Variants in MXRA5 observed in about 807,000 individuals in gnomAD.
MXRA5 encodes matrix-remodeling-associated protein 5.
MXRA5 carries 41 observed loss-of-function variants against 112.5 expected under a neutral mutation model. The ratio of observed to expected loss-of-function variants is 0.36; its 90% CI spans 0.28 to 0.47. MXRA5 has a LOEUF of 0.47. MXRA5 is among the 20% of genes least tolerant of loss of function. MXRA5 has a pLI of 0.99. For synonymous variants in MXRA5, 862 were observed against 900.8 expected (o/e 0.96, Z 0.77); for missense variants, 2,150 against 2,251.0 (o/e 0.96, Z 0.91).
rs1458417228 is a variant in MXRA5 at position 3,309,078 on chromosome X, A to G, written c.*638T>C. On this transcript the variant is annotated 3_prime_UTR_variant, in exon 7 of 7. Transcript: ENST00000217939. ...TCATCGTCTGATTTGAAAGGAAAAA[A>G]TATATATATAAAACATTATATAAAA... 8.9e-6 allele frequency: 1 copy of G among 111,925 alleles called. No individual in the cohort carries two copies. Among genetic ancestry groups the G allele is most frequent in the East Asian group, 2.8e-4 (1 of 3,633 alleles). The allele number at this position is 111,925 out of a possible 1,213,427, so 9.2% of individuals were successfully genotyped here. A position where few individuals can be genotyped will look rare whatever the true frequency, so the allele number is the denominator to read the frequency against.
chrX:3,315,273 A>G (rs1355205156), intron 6 of MXRA5, among the ~76,000 whole-genome samples: 2 of 107,588 alleles, frequency 1.9e-5, no homozygotes, highest in Non-Finnish European at 3.8e-5. Flanking sequence ...CTGGTTGCAA[A>G]CCACTGCCAT....
Position 3,323,765 on chromosome X carries a change from C to A in MXRA5, c.1920G>T (p.Lys640Asn), listed in dbSNP as rs138221076. Residue 640 changes from lysine to asparagine, a missense_variant, in exon 5 of 7, where the codon AAG (lysine) becomes AAT (asparagine). Coordinates refer to ENST00000217939, the MANE Select transcript of MXRA5 (RefSeq NM_015419.4). ...MLPNGTLSIP[K>N]VQVSDSGYYR... is the part of the protein sequence containing the mutation. The stretch of plus-strand genomic sequence containing the variant: ...AGTAACCACTGTCACTGACTTGGAC[C>A]TTTGGGATGGAAAGAGTTCCATTTG... 28 of 1,210,296 alleles carry A rather than the reference C, an allele frequency of 2.3e-5. No individual in the cohort carries two copies. The highest frequency in any genetic ancestry group is 2.3e-4 in the Middle Eastern group (1 of 4,350).
intron 2 of MXRA5, among the ~76,000 whole-genome samples, chrX:3,336,624 T>C (rs1376618771): frequency 8.9e-6 from 1 of 111,854 alleles, no homozygotes; most frequent in East Asian, 2.8e-4. Context: ...ATAGAGATGA[T>C]GGATACACAA....
In MXRA5 at chrX:3,343,665, C is replaced by T. The variant is rs773305773; in HGVS notation, c.169G>A (p.Val57Met). The T allele has an allele frequency of 8.3e-7, 1 of 1,211,426 alleles. No individual in the cohort carries two copies. The highest frequency in any genetic ancestry group is 1.1e-6 in the Non-Finnish European group (1 of 895,263). The change falls in exon 2 of 7, where the codon GTG (valine) becomes ATG (methionine). Residue 57 changes from valine (V) to methionine (M), a missense_variant. Transcript: ENST00000217939. ...ASVPAGIAKH[V>M]ERINLGFNSI... ...ACAAACCCCAAATTGATTCTTTCCA[C>T]GTGTTTAGCAATGCCAGCGGGCACG...
At chrX:3,331,581 C>T (rs1929329195) in intron 2 of MXRA5, among the ~76,000 whole-genome samples, 1 of 112,033 alleles carries the variant, frequency 8.9e-6, no homozygotes, top group Admixed American at 9.4e-5. Context: ...GAAATGTTGA[C>T]CACAGACACC....
chrX:3,330,884 T>A, intron 2 of MXRA5, 111 bp from the exon 3 acceptor site: 1 of 475,308 alleles, frequency 2.1e-6, no homozygotes, highest in Non-Finnish European at 3.2e-6. Flanking sequence ...AGCAAATTAG[T>A]AAAATGGTGA....
At position 3,308,607 on chromosome X, in the gene MXRA5, T is replaced by C. The variant is rs1391712864; in HGVS notation, c.*1109A>G. Reference sequence around the variant, plus strand: ...TTTTATTATCAAATGTACAGTATATTGACCTTAAAAATACAGTAAAGCAGT... The same window carrying C: ...TTTTATTATCAAATGTACAGTATATCGACCTTAAAAATACAGTAAAGCAGT... On this transcript the variant is annotated 3_prime_UTR_variant, in exon 7 of 7. Transcript: ENST00000217939. The C allele has an allele frequency of 8.9e-6, 1 of 112,100 alleles. No homozygotes were observed. Among genetic ancestry groups the C allele is most frequent in the East Asian group, 2.8e-4 (1 of 3,602 alleles). 9.2% of individuals were successfully genotyped at this position (112,100 alleles called of 1,213,427 possible).
chrX:3,315,610 C>G (rs1213644851), intron 6 of MXRA5, among the ~76,000 whole-genome samples: 2 of 109,800 alleles, frequency 1.8e-5, no homozygotes, highest in African/African-American at 3.3e-5. Flanking sequence ...TCAGATATTG[C>G]CAAGTGTTGT....
In MXRA5 at chrX:3,323,747, A is replaced by C; in HGVS notation, c.1938T>G (p.Ser646Arg). 5.0e-6 allele frequency: 6 copies of C among 1,211,525 alleles called. No individual in the cohort carries two copies. The highest frequency in any genetic ancestry group is 6.7e-6 in the Non-Finnish European group (6 of 895,323). Residue 646 changes from serine (S) to arginine (R), a missense_variant, in exon 5 of 7, where the codon AGT becomes AGG. This residue lies in a region of MXRA5 where 1,485 missense variants were observed against 1,471.6 expected (regional missense o/e 1.01). Coordinates refer to ENST00000217939, the MANE Select transcript of MXRA5 (RefSeq NM_015419.4). ...LSIPKVQVSD[S>R]GYYRCVAVNQ... ...TGACAGCCACACATCTGTAGTAACCACTGTCACTGACTTGGACCTTTGGGA... is the reference window on the plus strand; with the variant it reads ...TGACAGCCACACATCTGTAGTAACCCCTGTCACTGACTTGGACCTTTGGGA...
rs1004260689 is a variant in MXRA5, at chrX:3,325,059, T to C, written c.710-84A>G. 4 of 1,006,153 alleles carry C rather than the reference T, an allele frequency of 4.0e-6. No individual in the cohort carries two copies. The African/African-American group carries it at 5.8e-5, about 15-fold the overall frequency. The allele number at this position is 1,006,153 out of a possible 1,213,427, so 82.9% of individuals were successfully genotyped here. A position where few individuals can be genotyped will look rare whatever the true frequency, so the allele number is the denominator to read the frequency against. Reference sequence around the variant, plus strand: ...ACATGGCCAGAGGATAAAGCCTATGTTTGCATCTTTATCACCCAGCTGTAA... The same window carrying C: ...ACATGGCCAGAGGATAAAGCCTATGCTTGCATCTTTATCACCCAGCTGTAA... On this transcript the variant is annotated intron_variant, in intron 4 of 6. Coordinates refer to ENST00000217939, the MANE Select transcript of MXRA5 (RefSeq NM_015419.4).
chrX:3,311,290 T>G lies in MXRA5; in HGVS notation c.6913A>C (p.Asn2305His). Residue 2305 changes from asparagine to histidine, a missense_variant, in exon 7 of 7, where the codon AAC becomes CAC. Transcript: ENST00000217939. The part of the protein sequence containing the change: ...GGRTKRYVVF[N>H]NGTLYFNEVG... ...TCGTTAAAGTAGAGTGTCCCATTGT[T>G]GAAGACGACATAGCGCTTGGTGCGT... The G allele has an allele frequency of 1.7e-6, 2 of 1,212,016 alleles. No homozygotes were observed. Among genetic ancestry groups the G allele is most frequent in the Non-Finnish European group, 2.2e-6 (2 of 895,572 alleles).
chrX:3,344,529 A>C (rs809864), intron 1 of MXRA5, among the ~76,000 whole-genome samples: 10,194 of 111,128 alleles, frequency 0.092, 430 homozygotes, highest in East Asian at 0.33. Context: ...TCATTCAATA[A>C]ACAGGAAGGG....
At chrX:3,342,401 A>G (rs1335111693) in intron 2 of MXRA5, among the ~76,000 whole-genome samples, 1 of 112,148 alleles carries the variant, frequency 8.9e-6, no homozygotes, top group African/African-American at 3.2e-5. Context: ...AATGGGCTTT[A>G]GCACCTCTTC....
At chrX:3,319,646 C>T (rs1383492629) in intron 5 of MXRA5, among the ~76,000 whole-genome samples, 3 of 111,551 alleles carry the variant, frequency 2.7e-5, no homozygotes, top group Non-Finnish European at 5.6e-5. Context: ...AAAGATAGGA[C>T]AAATAGACAC....
chrX:3,332,639 T>C (rs1259383797), intron 2 of MXRA5, among the ~76,000 whole-genome samples: 1 of 112,547 alleles, frequency 8.9e-6, no homozygotes, highest in Non-Finnish European at 1.9e-5. Flanking sequence ...AGATTCAATA[T>C]GGTGTATGGG....
intron 2 of MXRA5, among the ~76,000 whole-genome samples, chrX:3,341,966 C>T (rs1464377479): frequency 3.7e-5 from 4 of 109,386 alleles, no homozygotes; most frequent in Non-Finnish European, 7.6e-5. Context: ...CACGCACCTT[C>T]CCCCAGGATT....
chrX:3,335,463 C>G (rs1295094770), intron 2 of MXRA5, among the ~76,000 whole-genome samples: 1 of 112,726 alleles, frequency 8.9e-6, no homozygotes, highest in Non-Finnish European at 1.9e-5. Flanking sequence ...TCCCAAAGTG[C>G]TGGGATTACG....
Position 3,323,175 on chromosome X carries a change from C to G in MXRA5, c.2510G>C (p.Ser837Thr), listed in dbSNP as rs1244462292. Residue 837 changes from serine to threonine, a missense_variant, in exon 5 of 7, where the codon AGT becomes ACT. Physicochemically the swap from Ser to Thr is moderately conservative, Grantham distance 58 (BLOSUM62 1). Transcript: ENST00000217939. Reference protein sequence around the residue: ...PSASPVQTVTSAEESSADVPL... With the variant: ...PSASPVQTVTTAEESSADVPL... ...TACATCTGCTGAGGATTCTTCAGCACTGGTTACTGTCTGCACAGGAGATGC... is the reference window on the plus strand; with the variant it reads ...TACATCTGCTGAGGATTCTTCAGCAGTGGTTACTGTCTGCACAGGAGATGC... The G allele has an allele frequency of 1.7e-6, 2 of 1,211,495 alleles. No homozygotes were observed. The highest frequency in any genetic ancestry group is 2.2e-6 in the Non-Finnish European group (2 of 895,488).
At chrX:3,334,533 T>C (rs1333512768) in intron 2 of MXRA5, among the ~76,000 whole-genome samples, 1 of 110,801 alleles carries the variant, frequency 9.0e-6, no homozygotes, top group Non-Finnish European at 1.9e-5. Flanking sequence ...AAAGGGAAAG[T>C]CACAGCCAAG....
Sources: gnomAD v4.1 joint callset for allele counts (sites outside exome capture counted in the v4.1 genomes callset) on GRCh38, gnomAD v4.1.1 for gene constraint, gnomAD v4.1.1 regional missense constraint, MANE v1.5 for transcripts, NCBI Gene and HGNC (gene_info 2026-07-23, HGNC 2026-07-21) for gene names.